PLCE1: variants seen among roughly 807,000 people sequenced by gnomAD.
PLCE1 encodes 1-phosphatidylinositol 4,5-bisphosphate phosphodiesterase epsilon-1.
PLCE1 carries 119 observed loss-of-function variants against 242.8 expected under a neutral mutation model. The observed-to-expected ratio is 0.49, with a 90% CI of 0.42 to 0.57. PLCE1 has a LOEUF of 0.57. PLCE1 is among the 20% of genes least tolerant of loss of function. PLCE1 has a pLI of 0.00. For synonymous variants in PLCE1, 945 were observed against 1,017.4 expected (o/e 0.93, Z 1.35); for missense variants, 2,441 against 2,788.8 (o/e 0.88, Z 2.81).
At chr10:94,212,497 C>G (rs1336986592) in intron 4 of PLCE1, among the ~76,000 whole-genome samples, 1 of 152,284 alleles carries the variant, frequency 6.6e-6, no homozygotes, top group East Asian at 1.9e-4. Context: ...ACCTTGTGAT[C>G]CACCCTCCTT....
intron 1 of PLCE1, among the ~76,000 whole-genome samples, chr10:93,999,002 A>G (rs2060881254): frequency 6.6e-6 from 1 of 152,190 alleles, no homozygotes; most frequent in Non-Finnish European, 1.5e-5. Context: ...TAGAGCCTCC[A>G]GAAGGAATGT....
At chr10:94,004,019 C>T (rs371687693) in intron 1 of PLCE1, among the ~76,000 whole-genome samples, 3 of 152,002 alleles carry the variant, frequency 2.0e-5, no homozygotes, top group East Asian at 1.9e-4. Context: ...TGGTGGTGGG[C>T]GCCTGTAATC....
chr10:94,042,488 C>T (rs2134651251), intron 2 of PLCE1, among the ~76,000 whole-genome samples: 1 of 152,302 alleles, frequency 6.6e-6, no homozygotes, highest in South Asian at 2.1e-4. Flanking sequence ...CTCATAACTG[C>T]TCCTAAGTTC....
intron 29 of PLCE1, among the ~76,000 whole-genome samples, chr10:94,319,153 G>A (rs1430514997): frequency 3.3e-5 from 5 of 152,176 alleles, no homozygotes; most frequent in Admixed American, 1.3e-4. Context: ...GCATAAATCA[G>A]AAGGGAAGGC....
intron 4 of PLCE1, among the ~76,000 whole-genome samples, chr10:94,195,726 A>T (rs2048799815): frequency 6.6e-6 from 1 of 152,224 alleles, no homozygotes; most frequent in Non-Finnish European, 1.5e-5. Flanking sequence ...GCTAATCATT[A>T]TCTCTAATAG....
chr10:94,076,590 G>GC (rs2044509328), intron 2 of PLCE1, among the ~76,000 whole-genome samples: 1 of 152,102 alleles, frequency 6.6e-6, no homozygotes, highest in African/African-American at 2.4e-5. Flanking sequence ...CTGAATCCTG[G>GC]CAGGATTCCT....
At chr10:94,282,064 G>A (rs2052253132) in intron 20 of PLCE1, among the ~76,000 whole-genome samples, 1 of 148,744 alleles carries the variant, frequency 6.7e-6, no homozygotes, top group South Asian at 2.2e-4. Context: ...AAAATAAAAC[G>A]TGCTCTCAAA....
chr10:94,193,483 T>C (rs758148275), intron 4 of PLCE1, among the ~76,000 whole-genome samples: 2 of 152,182 alleles, frequency 1.3e-5, no homozygotes, highest in African/African-American at 2.4e-5. Context: ...ATGAACACAG[T>C]GGTGTACTTA....
intron 27 of PLCE1, among the ~76,000 whole-genome samples, chr10:94,312,341 A>C (rs558887110): frequency 6.6e-6 from 1 of 152,314 alleles, no homozygotes; most frequent in Admixed American, 6.5e-5. Context: ...CAGTTAGGCA[A>C]AGCCCTGAAT....
intron 14 of PLCE1, 114 bp from the exon 15 acceptor site, chr10:94,265,533 G>T: frequency 1.1e-6 from 1 of 888,192 alleles, no homozygotes; most frequent in Non-Finnish European, 1.9e-6. Context: ...TCAAATATTT[G>T]GTTTAGATGT....
intron 19 of PLCE1, among the ~76,000 whole-genome samples, chr10:94,279,015 A>T (rs2052082095): frequency 6.6e-6 from 1 of 152,020 alleles, no homozygotes; most frequent in Non-Finnish European, 1.5e-5. Flanking sequence ...TTCATATCTC[A>T]TTCTCTCCAG....
Position 94,235,029 on chromosome 10 carries a change from C to T in PLCE1, c.2214+717C>T, listed in dbSNP as rs182908492. 3.8e-3 allele frequency among the ~76,000 whole-genome samples: 566 copies of T among 150,110 alleles called. 2 individuals are homozygous for T. Among genetic ancestry groups the T allele is most frequent in the Admixed American group, 7.0e-3 (105 of 15,010 alleles). On this transcript the variant is annotated intron_variant, in intron 6 of 32. Transcript: ENST00000371380. ...GACCAAACCCAAATCTAGGATCATT[C>T]CTGCCATGATGACAGAACCTACTAC...
chr10:94,122,461 A>T (rs866922082), intron 2 of PLCE1, among the ~76,000 whole-genome samples: 1 of 152,166 alleles, frequency 6.6e-6, no homozygotes, highest in Non-Finnish European at 1.5e-5. Flanking sequence ...AGTATCTCAG[A>T]CGTGATTCAT....
At position 94,132,211 on chromosome 10, in the gene PLCE1, C is replaced by T. The variant is rs977349780; in HGVS notation, c.1244C>T (p.Thr415Ile). 1 of 1,613,976 alleles carries T rather than the reference C, an allele frequency of 6.2e-7. No individual in the cohort carries two copies. The highest frequency in any genetic ancestry group is 1.3e-5 in the African/African-American group (1 of 74,922). Residue 415 changes from threonine to isoleucine, a missense_variant, in exon 3 of 33, where the codon ACA becomes ATA. By Grantham distance (89) the Thr-to-Ile change is moderately conservative (BLOSUM62 -1). Transcript: ENST00000371380. ...GTGAGAAGAGAAGAAACAGAAAATACAGTTGGATCTCTACTCCATTTCCTC... is the reference window on the plus strand; with the variant it reads ...GTGAGAAGAGAAGAAACAGAAAATATAGTTGGATCTCTACTCCATTTCCTC... Reference protein sequence around the residue: ...NAVRREETENTVGSLLHFLTK... With the variant: ...NAVRREETENIVGSLLHFLTK...
At chr10:94,049,730 A>G (rs926331103) in intron 2 of PLCE1, among the ~76,000 whole-genome samples, 6 of 152,124 alleles carry the variant, frequency 3.9e-5, no homozygotes, top group African/African-American at 1.4e-4. Flanking sequence ...CAAACCAACA[A>G]ATGGAATATT....
chr10:94,145,520 T>C lies in PLCE1; in HGVS notation c.1492+13061T>C, dbSNP rs76237082. 6.4e-3 allele frequency among the ~76,000 whole-genome samples: 970 copies of C among 152,310 alleles called. 8 individuals carry two copies. Among genetic ancestry groups the C allele is most frequent in the African/African-American group, 0.021 (871 of 41,564 alleles). On this transcript the variant is annotated intron_variant, in intron 3 of 32. Coordinates refer to ENST00000371380, the MANE Select transcript of PLCE1 (RefSeq NM_016341.4). ...AGCCACGTGTGTTTTTCTTTGACCGTTGCAGTACTTTAAAAATTGGGAATC... is the reference window on the plus strand; with the variant it reads ...AGCCACGTGTGTTTTTCTTTGACCGCTGCAGTACTTTAAAAATTGGGAATC...
At chr10:94,212,787 T>A (rs1358516834) in intron 4 of PLCE1, among the ~76,000 whole-genome samples, 1 of 152,230 alleles carries the variant, frequency 6.6e-6, no homozygotes, top group African/African-American at 2.4e-5. Flanking sequence ...ACATTGCTGA[T>A]CTGTTTCTGT....
intron 2 of PLCE1, among the ~76,000 whole-genome samples, chr10:94,042,374 G>A (rs187854490): frequency 2.6e-5 from 4 of 152,144 alleles, no homozygotes; most frequent in African/African-American, 9.6e-5. Flanking sequence ...TTCTCATGGC[G>A]ACTGTCTATG....
rs963534323 is a variant in PLCE1, at chr10:94,041,000, C to T, written c.1206+8748C>T. On this transcript the variant is annotated intron_variant, in intron 2 of 32. Coordinates refer to ENST00000371380, the MANE Select transcript of PLCE1 (RefSeq NM_016341.4). Reference sequence around the variant, plus strand: ...AATAGCCACAACAGACACTGTATGACCTGCAGAAACTAAAATATTTGTTAT... The same window carrying T: ...AATAGCCACAACAGACACTGTATGATCTGCAGAAACTAAAATATTTGTTAT... Among the ~76,000 whole-genome samples, 23 of 152,294 alleles carry T rather than the reference C, an allele frequency of 1.5e-4. 2 individuals are homozygous for T. The South Asian group carries it at 4.6e-3, about 30-fold the overall frequency.
Sources: gnomAD v4.1 joint callset for allele counts (sites outside exome capture counted in the v4.1 genomes callset) on GRCh38, gnomAD v4.1.1 for gene constraint, MANE v1.5 for transcripts, NCBI Gene and HGNC (gene_info 2026-07-23, HGNC 2026-07-21) for gene names.